ROCK1: variants seen among roughly 807,000 people sequenced by gnomAD.
The protein encoded by ROCK1 is rho-associated protein kinase 1.
A neutral mutation model predicts 196.8 loss-of-function variants in ROCK1; 36 were observed. The observed-to-expected ratio is 0.18, with a 90% CI of 0.14 to 0.24. ROCK1 has a LOEUF of 0.24. Among genes scored for constraint, ROCK1 ranks in the 10% least tolerant of loss-of-function variants. The pLI is 1.00. For synonymous variants in ROCK1, 443 were observed against 515.9 expected (o/e 0.86, Z 1.91); for missense variants, 920 against 1,562.0 (o/e 0.59, Z 6.93).
At chr18:20,991,631 T>C (rs573518107) in intron 17 of ROCK1, among the ~76,000 whole-genome samples, 7 of 152,190 alleles carry the variant, frequency 4.6e-5, no homozygotes, top group Admixed American at 1.3e-4. Flanking sequence ...CATCTTTTTT[T>C]TTCTTTTCTT....
intron 4 of ROCK1, among the ~76,000 whole-genome samples, chr18:21,045,834 T>C (rs1361836436): frequency 3.3e-5 from 5 of 151,470 alleles, no homozygotes; most frequent in Non-Finnish European, 7.4e-5. Flanking sequence ...GGGTCTACTA[T>C]TAAATTTATA....
chr18:21,021,333 CAGAG>C (rs2035911297), intron 11 of ROCK1, among the ~76,000 whole-genome samples: 1 of 151,862 alleles, frequency 6.6e-6, no homozygotes, highest in East Asian at 1.9e-4. Context: ...AGATTACCTA[CAGAG>C]AAAGAGCAGA....
chr18:20,983,992 T>G (rs2035556150), intron 20 of ROCK1, among the ~76,000 whole-genome samples: 1 of 152,124 alleles, frequency 6.6e-6, no homozygotes, highest in Admixed American at 6.6e-5. Flanking sequence ...AAAAAGACAT[T>G]TTTGCATTTT....
intron 2 of ROCK1, among the ~76,000 whole-genome samples, chr18:21,068,737 G>A (rs1035769425): frequency 3.9e-5 from 6 of 152,122 alleles, no homozygotes; most frequent in Admixed American, 3.9e-4. Flanking sequence ...AAATGGTGCT[G>A]TATTTGTTAT....
rs369710086 is a variant in ROCK1 at position 20,949,762 on chromosome 18, TTAATC to T, written c.*1617_*1621del. On this transcript the variant is annotated 3_prime_UTR_variant, in exon 33 of 33. Coordinates refer to ENST00000399799, the MANE Select transcript of ROCK1 (RefSeq NM_005406.3). ...ACGTTTTATCTTTTAAAAATACACT[TTAATC>T]TAACCATGGAATTTCACAAACATTT... is the stretch of plus-strand genomic sequence containing the variant. The T allele has an allele frequency of 2.6e-5, 4 of 152,608 alleles. No individual in the cohort carries two copies. The highest frequency in any genetic ancestry group is 4.8e-5 in the African/African-American group (2 of 41,450). 9.5% of individuals were successfully genotyped at this position (152,608 alleles called of 1,614,324 possible). A position where few individuals can be genotyped will look rare whatever the true frequency, so the allele number is the denominator to read the frequency against.
At chr18:20,988,091 T>C (rs749023877) in intron 18 of ROCK1, among the ~76,000 whole-genome samples, 2 of 151,856 alleles carry the variant, frequency 1.3e-5, no homozygotes, top group Non-Finnish European at 2.9e-5. Context: ...TTTGAGATGG[T>C]GTCTCGCTCT....
At chr18:21,104,097 T>G (rs188264161) in intron 1 of ROCK1, among the ~76,000 whole-genome samples, 1 of 152,334 alleles carries the variant, frequency 6.6e-6, no homozygotes, top group East Asian at 1.9e-4. Context: ...TCTTCAGCAA[T>G]AGAACTCTAT....
intron 1 of ROCK1, among the ~76,000 whole-genome samples, chr18:21,099,761 G>A (rs1384042166): frequency 3.3e-5 from 5 of 151,270 alleles, no homozygotes; most frequent in South Asian, 4.2e-4. Flanking sequence ...CAGGCCGGGC[G>A]CAGTGGCTCA....
chr18:20,984,806 C>A (rs1274335151), intron 19 of ROCK1, among the ~76,000 whole-genome samples: 1 of 151,942 alleles, frequency 6.6e-6, no homozygotes, highest in African/African-American at 2.4e-5. Context: ...TTCTGTAGTA[C>A]AAGGTGATTA....
chr18:20,997,671 C>T (rs1598522167), intron 16 of ROCK1, among the ~76,000 whole-genome samples: 1 of 152,174 alleles, frequency 6.6e-6, no homozygotes, highest in South Asian at 2.1e-4. Context: ...TTTCATCCAA[C>T]AGCCACAGAA....
intron 1 of ROCK1, among the ~76,000 whole-genome samples, chr18:21,103,399 G>A (rs1313404804): frequency 6.6e-6 from 1 of 151,718 alleles, no homozygotes; most frequent in African/African-American, 2.4e-5. Flanking sequence ...ACAATTTTTT[G>A]AAGTTTTAAT....
Position 20,967,032 on chromosome 18 carries a change from C to T in ROCK1, c.3237G>A (p.Gln1079=), listed in dbSNP as rs1337509675. ...CAATATCACTCTCTTTGCTGGCCAA[C>T]TGCATCTGAAGCTCATTCCTATGTG... ...ECAHRNELQM[Q]LASKESDIEQ... is the part of the protein sequence containing the mutation. The change falls in exon 27 of 33, where the codon CAG becomes CAA. Residue 1079 remains glutamine, a synonymous_variant. Transcript: ENST00000399799. 6 of 1,613,270 alleles carry T rather than the reference C, an allele frequency of 3.7e-6. No homozygotes were observed. Among genetic ancestry groups the T allele is most frequent in the Non-Finnish European group, 5.1e-6 (6 of 1,179,252 alleles).
At chr18:21,087,253 A>G (rs1477642971) in intron 1 of ROCK1, among the ~76,000 whole-genome samples, 2 of 152,214 alleles carry the variant, frequency 1.3e-5, no homozygotes, top group African/African-American at 4.8e-5. Flanking sequence ...AAGGCAAAAA[A>G]GGAACACAGA....
chr18:20,972,007 G>C (rs1302368194), intron 22 of ROCK1, among the ~76,000 whole-genome samples: 4 of 152,140 alleles, frequency 2.6e-5, no homozygotes, highest in African/African-American at 9.7e-5. Context: ...TGGTGTTTTA[G>C]AAAGATCATT....
At chr18:20,986,106 C>T (rs2035576069) in intron 19 of ROCK1, among the ~76,000 whole-genome samples, 1 of 152,122 alleles carries the variant, frequency 6.6e-6, no homozygotes, top group Admixed American at 6.6e-5. Context: ...GCCCATCTGC[C>T]CACCTCAGCC....
At chr18:20,999,793 G>T (rs191635251) in intron 16 of ROCK1, among the ~76,000 whole-genome samples, 2 of 152,110 alleles carry the variant, frequency 1.3e-5, no homozygotes, top group South Asian at 4.1e-4. Flanking sequence ...ACACCTGGCT[G>T]ATTTTTTATT....
chr18:21,083,794 AG>A, intron 1 of ROCK1, among the ~76,000 whole-genome samples: 1 of 152,238 alleles, frequency 6.6e-6, no homozygotes, highest in Non-Finnish European at 1.5e-5. Flanking sequence ...GCTATCAGTA[AG>A]GCTTTCAGTC....
intron 19 of ROCK1, among the ~76,000 whole-genome samples, chr18:20,985,665 A>G (rs2035572052): frequency 6.6e-6 from 1 of 152,184 alleles, no homozygotes; most frequent in South Asian, 2.1e-4. Flanking sequence ...AATTCCTAGC[A>G]CAGAGCCAAA....
At chr18:21,049,071 G>C (rs1184695916) in intron 4 of ROCK1, 21 bp downstream of exon 4, 1 of 1,553,368 alleles carries the variant, frequency 6.4e-7, no homozygotes, top group East Asian at 2.3e-5. Flanking sequence ...CAGCAATAAT[G>C]AAAGAGTAGC....
Sources: gnomAD v4.1 joint callset for allele counts (sites outside exome capture counted in the v4.1 genomes callset) on GRCh38, gnomAD v4.1.1 for gene constraint, MANE v1.5 for transcripts, NCBI Gene and HGNC (gene_info 2026-07-23, HGNC 2026-07-21) for gene names.